The following EDNRB variants were observed in gnomAD, a reference collection of about 807,000 sequenced individuals.
EDNRB encodes the protein Hirschsprung disease 2.
In EDNRB, 18 loss-of-function variants were observed where a neutral mutation model predicts 46.4. That is an observed-to-expected ratio of 0.39 (90% CI 0.27 to 0.57). EDNRB has a LOEUF of 0.57. EDNRB is among the 20% of genes least tolerant of loss of function. The pLI is 0.61. For missense variants in EDNRB, 434 were observed against 537.5 expected, an observed-to-expected ratio of 0.81 and a Z score of 1.90; for synonymous variants, 213 against 204.9, an observed-to-expected ratio of 1.04 and a Z score of -0.34.
At chr13:77,955,423 C>T (rs1046634169) in intron 1 of EDNRB, among the ~76,000 whole-genome samples, 4 of 151,990 alleles carry the variant, frequency 2.6e-5, no homozygotes, top group Admixed American at 1.3e-4. Context: ...CTGTTGGTTC[C>T]CATTTTATTT....
chr13:77,957,736 G>C lies in EDNRB; in HGVS notation c.-52+17611C>G, dbSNP rs12427574. Among the ~76,000 whole-genome samples the C allele has an allele frequency of 5.3e-5, 8 of 152,144 alleles. 1 individual carries two copies. The highest frequency in any genetic ancestry group is 5.2e-4 in the Admixed American group (8 of 15,280). On this transcript the variant is annotated intron_variant, in intron 1 of 7. Coordinates refer to the EDNRB transcript ENST00000646948. Reference sequence around the variant, plus strand: ...TGCACGTACACTTTCATGTGGTTTTGTTCTTGTCCACTCATATCCTATGAT... The same window carrying C: ...TGCACGTACACTTTCATGTGGTTTTCTTCTTGTCCACTCATATCCTATGAT...
chr13:77,935,713 G>A (rs1324850109), intron 1 of EDNRB, among the ~76,000 whole-genome samples: 1 of 152,172 alleles, frequency 6.6e-6, no homozygotes, highest in East Asian at 1.9e-4. Context: ...TACAGCCCAG[G>A]TAATTTGCTG....
chr13:77,922,015 CAACT>C (rs1446047727), upstream of EDNRB, among the ~76,000 whole-genome samples: 17 of 152,046 alleles, frequency 1.1e-4, 1 homozygote, highest in Middle Eastern at 0.024. Flanking sequence ...AATTCACTAG[CAACT>C]AACTACTATG....
chr13:77,954,708 T>C (rs887643133), intron 1 of EDNRB, among the ~76,000 whole-genome samples: 8 of 152,064 alleles, frequency 5.3e-5, no homozygotes, highest in Non-Finnish European at 1.0e-4. Flanking sequence ...GTTTTCACCA[T>C]GTTGGCCAGG....
chr13:77,932,534 T>C (rs1300874986), intron 1 of EDNRB, among the ~76,000 whole-genome samples: 1 of 152,224 alleles, frequency 6.6e-6, no homozygotes, highest in Non-Finnish European at 1.5e-5. Context: ...GTAATAATAC[T>C]GAGGCTCAGA....
upstream of EDNRB, chr13:77,919,622 C>T (rs772666002): frequency 6.3e-7 from 1 of 1,596,124 alleles, no homozygotes. Context: ...TCATTCATCC[C>T]TTCCCATCAA....
rs1475080280 is a variant in EDNRB, at chr13:77,903,379, T to C, written c.597-19A>G. 1 of 1,612,714 alleles carries C rather than the reference T, an allele frequency of 6.2e-7. No individual in the cohort carries two copies. Among genetic ancestry groups the C allele is most frequent in the Admixed American group, 1.7e-5 (1 of 59,830 alleles). Reference sequence around the variant, plus strand: ...TCGATATCTGAAGATAAAAATAGAATTGTATTTTAAGCTGGCATACCTTAG... The same window carrying C: ...TCGATATCTGAAGATAAAAATAGAACTGTATTTTAAGCTGGCATACCTTAG... On this transcript the variant is annotated intron_variant, in intron 2 of 6. Coordinates refer to ENST00000646607, the MANE Select transcript of EDNRB (RefSeq NM_001122659.3).
chr13:77,964,467 T>A (rs1431268427), intron 1 of EDNRB, among the ~76,000 whole-genome samples: 2 of 152,236 alleles, frequency 1.3e-5, no homozygotes, highest in Non-Finnish European at 2.9e-5. Context: ...GATAAGTTCA[T>A]GTCCTTTGTT....
At chr13:77,905,014 A>G (rs1456868511) in intron 1 of EDNRB, among the ~76,000 whole-genome samples, 4 of 151,978 alleles carry the variant, frequency 2.6e-5, no homozygotes, top group Admixed American at 2.6e-4. Context: ...CATAGGACCA[A>G]CTTCATTTCT....
chr13:77,926,711 C>T (rs975063072), intron 1 of EDNRB, among the ~76,000 whole-genome samples: 3 of 152,184 alleles, frequency 2.0e-5, no homozygotes, highest in Admixed American at 6.5e-5. Flanking sequence ...AGTTACTTCA[C>T]ATTTTTGGGT....
In EDNRB at chr13:77,918,242, A is replaced by T. The variant is rs1467139505; in HGVS notation, c.332T>A (p.Val111Glu). The T allele has an allele frequency of 6.2e-7, 1 of 1,614,094 alleles. No individual in the cohort carries two copies. Among genetic ancestry groups the T allele is most frequent in the Non-Finnish European group, 8.5e-7 (1 of 1,180,016 alleles). Residue 111 changes from valine (V) to glutamate (E), a missense_variant, in exon 1 of 7, where the codon GTG becomes GAG. Coordinates refer to ENST00000646607, the MANE Select transcript of EDNRB (RefSeq NM_001122659.3). This position sits in a 1 kb window ranked among gnomAD's most constrained non-coding sequence, Gnocchi z 4.5. ...GTTCCCGATGATCCCCAGCACGAAC[A>T]CAAGGCAGGACACAACCGTGTTGAT... ...KYINTVVSCL[V>E]FVLGIIGNST...
rs966232626 is a variant in EDNRB, at chr13:77,959,091, T to C, written c.-52+16256A>G. On this transcript the variant is annotated intron_variant, in intron 1 of 7. Coordinates refer to the EDNRB transcript ENST00000646948. ...AGGCGATTAAAATAGAACATTAATA[T>C]TACATTTTCTCCTATACTCAAATAT... is the stretch of plus-strand genomic sequence containing the variant. Among the ~76,000 whole-genome samples, 31 of 152,234 alleles carry C rather than the reference T, an allele frequency of 2.0e-4. 1 individual carries two copies. Among genetic ancestry groups the C allele is most frequent in the African/African-American group, 7.5e-4 (31 of 41,472 alleles).
At chr13:77,947,304 T>C (rs1331624507) in intron 1 of EDNRB, among the ~76,000 whole-genome samples, 6 of 151,906 alleles carry the variant, frequency 3.9e-5, no homozygotes, top group South Asian at 2.1e-4. Context: ...TTTTTTTTTT[T>C]TTTCTATTTT....
At chr13:77,973,592 TA>T (rs1881799746) in intron 1 of EDNRB, among the ~76,000 whole-genome samples, 2 of 152,106 alleles carry the variant, frequency 1.3e-5, no homozygotes, top group South Asian at 4.1e-4. Flanking sequence ...AAAACGCACA[TA>T]TTTTTAACCT....
intron 1 of EDNRB, among the ~76,000 whole-genome samples, chr13:77,936,534 G>C (rs1384621723): frequency 6.6e-6 from 1 of 151,968 alleles, no homozygotes; most frequent in Non-Finnish European, 1.5e-5. Flanking sequence ...GAATTACTTA[G>C]AGCATCTGTG....
chr13:77,918,168 G>A lies in EDNRB; in HGVS notation c.406C>T (p.Pro136Ser). 1.2e-6 allele frequency: 2 copies of A among 1,614,140 alleles called. No individual in the cohort carries two copies. Among genetic ancestry groups the A allele is most frequent in the South Asian group, 1.1e-5 (1 of 91,076 alleles). ...GCCAAGCTGGCGATCAAGATATTGG[G>A]ACCGTTTCGCATGCACTTGTTCTTG... ...IYKNKCMRNG[P>S]NILIASLALG... The change falls in exon 1 of 7, where the codon CCC becomes TCC. Residue 136 changes from proline (P) to serine (S), a missense_variant. Pro to Ser is a moderately conservative substitution (Grantham distance 74, BLOSUM62 -1). Coordinates refer to ENST00000646607, the MANE Select transcript of EDNRB (RefSeq NM_001122659.3). This position sits in a 1 kb window ranked among gnomAD's most constrained non-coding sequence, Gnocchi z 4.5.
chr13:77,961,350 T>A (rs1017193128), intron 1 of EDNRB, among the ~76,000 whole-genome samples: 7 of 152,022 alleles, frequency 4.6e-5, no homozygotes, highest in Non-Finnish European at 1.0e-4. Flanking sequence ...ATATACTTTC[T>A]TCTCAGCACC....
chr13:77,972,956 G>C (rs184564928), intron 1 of EDNRB, among the ~76,000 whole-genome samples: 3 of 152,220 alleles, frequency 2.0e-5, no homozygotes, highest in Non-Finnish European at 4.4e-5. Context: ...CACAAAGTAG[G>C]GTCCTTCCCA....
At chr13:77,951,605 G>A (rs2137674764) in intron 1 of EDNRB, among the ~76,000 whole-genome samples, 1 of 152,292 alleles carries the variant, frequency 6.6e-6, no homozygotes, top group African/African-American at 2.4e-5. Context: ...GATTGGTGCA[G>A]CAAAGAGAAC....
Sources: allele counts gnomAD v4.1 joint callset (sites outside exome capture counted in the v4.1 genomes callset), GRCh38; gene constraint gnomAD v4.1.1; non-coding constraint Gnocchi (gnomAD v3.1); transcripts MANE v1.5; gene names NCBI Gene and HGNC (gene_info 2026-07-23, HGNC 2026-07-21).